CDH18: variants seen among roughly 807,000 people sequenced by gnomAD.
The protein encoded by CDH18 is cadherin-18.
Under a neutral mutation model 67.9 loss-of-function variants are expected in CDH18, and 31 were observed. The observed-to-expected ratio is 0.46, with a 90% CI of 0.34 to 0.62. The LOEUF is 0.62. Among genes scored for constraint, CDH18 ranks in the 20% least tolerant of loss-of-function variants. The pLI, the probability that CDH18 is intolerant of heterozygous loss-of-function variation, is 0.01. For synonymous variants in CDH18, 362 were observed against 347.2 expected, an observed-to-expected ratio of 1.04 and a Z score of -0.48; for missense variants, 890 against 975.5, an observed-to-expected ratio of 0.91 and a Z score of 1.17.
chr5:19,719,667 C>A (rs1435988189), intron 5 of CDH18, among the ~76,000 whole-genome samples: 1 of 151,788 alleles, frequency 6.6e-6, no homozygotes, highest in African/African-American at 2.4e-5. Context: ...GTCTCATACT[C>A]ATTTTAAGTT....
intron 5 of CDH18, among the ~76,000 whole-genome samples, chr5:19,676,037 A>T (rs1759443618): frequency 6.6e-6 from 1 of 152,002 alleles, no homozygotes; most frequent in African/African-American, 2.4e-5. Context: ...AACTCACTTC[A>T]ATAATTTCAT....
In CDH18 at chr5:19,872,803, A is replaced by G. The variant is rs528515276; in HGVS notation, c.-256-33561T>C. 4.9e-4 allele frequency among the ~76,000 whole-genome samples: 74 copies of G among 152,330 alleles called. 1 individual carries two copies. Among genetic ancestry groups the G allele is most frequent in the Admixed American group, 1.7e-3 (26 of 15,298 alleles). Reference sequence around the variant, plus strand: ...AGCACGGTAATTTGTTACACAAAATAGAAAATTAATATATGCCCAATCCCT... The same window carrying G: ...AGCACGGTAATTTGTTACACAAAATGGAAAATTAATATATGCCCAATCCCT... On this transcript the variant is annotated intron_variant, in intron 2 of 12. Coordinates refer to ENST00000382275, the MANE Select transcript of CDH18 (RefSeq NM_004934.5).
intron 2 of CDH18, among the ~76,000 whole-genome samples, chr5:20,107,648 T>C (rs1259616966): frequency 6.6e-6 from 1 of 152,180 alleles, no homozygotes; most frequent in Admixed American, 6.5e-5. Flanking sequence ...TTGGCAAGGT[T>C]GCTTTCTCCT....
intron 1 of CDH18, among the ~76,000 whole-genome samples, chr5:20,508,804 A>G (rs1172860626): frequency 6.6e-6 from 1 of 152,084 alleles, no homozygotes; most frequent in Non-Finnish European, 1.5e-5. Flanking sequence ...CTGTAGAAAT[A>G]ATATGTAAAC....
chr5:19,674,063 CTTCTT>C (rs1194923056), intron 5 of CDH18, among the ~76,000 whole-genome samples: 1 of 151,954 alleles, frequency 6.6e-6, no homozygotes, highest in Non-Finnish European at 1.5e-5. Flanking sequence ...AGATTACTAC[CTTCTT>C]TTATTTTTTT....
At chr5:19,623,184 T>C (rs1750974121) in intron 5 of CDH18, among the ~76,000 whole-genome samples, 1 of 152,194 alleles carries the variant, frequency 6.6e-6, no homozygotes, top group Admixed American at 6.5e-5. Context: ...TGAGTTCAGG[T>C]ATATGTTGTA....
At chr5:20,263,341 T>C (rs981720561) in intron 1 of CDH18, among the ~76,000 whole-genome samples, 5 of 152,128 alleles carry the variant, frequency 3.3e-5, no homozygotes, top group Admixed American at 6.6e-5. Context: ...TGGATAGATA[T>C]TTTTTTGACT....
chr5:19,684,487 ATATG>A (rs1205945776), intron 5 of CDH18, among the ~76,000 whole-genome samples: 1 of 150,626 alleles, frequency 6.6e-6, no homozygotes, highest in African/African-American at 2.4e-5. Context: ...AACTAAATTT[ATATG>A]TATAATATAT....
In CDH18 at chr5:19,781,210, T is replaced by C. The variant is rs140314203; in HGVS notation, c.229-33974A>G. On this transcript the variant is annotated intron_variant, in intron 3 of 12. Transcript: ENST00000382275. ...ATTAGCATACATAAAGTGAATATTGTTATTGCAAAGAAAAAAACAGCAAAT... is the reference window on the plus strand; with the variant it reads ...ATTAGCATACATAAAGTGAATATTGCTATTGCAAAGAAAAAAACAGCAAAT... Among the ~76,000 whole-genome samples the C allele has an allele frequency of 3.9e-5, 6 of 152,108 alleles. No homozygotes were observed. In the East Asian group the frequency reaches 1.2e-3, roughly 29 times the overall value.
intron 3 of CDH18, among the ~76,000 whole-genome samples, chr5:19,813,889 T>C (rs1779005681): frequency 1.3e-5 from 2 of 151,958 alleles, no homozygotes; most frequent in African/African-American, 4.8e-5. Context: ...TTTGGAAGCT[T>C]TTTTTTGGAA....
chr5:20,083,375 TTTG>T (rs1744653496), intron 2 of CDH18, among the ~76,000 whole-genome samples: 1 of 152,220 alleles, frequency 6.6e-6, no homozygotes, highest in South Asian at 2.1e-4. Context: ...CTGTGGTTTT[TTTG>T]TTGTTGTTTT....
intron 2 of CDH18, among the ~76,000 whole-genome samples, chr5:20,227,746 C>T (rs561655844): frequency 3.9e-5 from 6 of 151,970 alleles, no homozygotes; most frequent in African/African-American, 1.4e-4. Context: ...CCTCAGCCTC[C>T]CAGAGTGCTG....
intron 1 of CDH18, among the ~76,000 whole-genome samples, chr5:20,444,079 T>C (rs559569464): frequency 6.6e-6 from 1 of 152,066 alleles, no homozygotes; most frequent in Admixed American, 6.5e-5. Context: ...CCAGTTCTAA[T>C]AGCTTAGTAT....
intron 2 of CDH18, among the ~76,000 whole-genome samples, chr5:20,131,745 GGTTGTA>G (rs1237372089): frequency 6.6e-5 from 10 of 152,104 alleles, no homozygotes; most frequent in African/African-American, 2.4e-4. Flanking sequence ...AACAATTAAT[GGTTGTA>G]TAACTACACC....
chr5:20,114,050 C>T (rs1463595266), intron 2 of CDH18, among the ~76,000 whole-genome samples: 1 of 152,074 alleles, frequency 6.6e-6, no homozygotes, highest in Admixed American at 6.5e-5. Flanking sequence ...GGGGGTTTTC[C>T]TGTTAATTGT....
intron 2 of CDH18, among the ~76,000 whole-genome samples, chr5:20,159,351 A>G (rs899035509): frequency 2.0e-5 from 3 of 152,156 alleles, no homozygotes; most frequent in Non-Finnish European, 2.9e-5. Context: ...ATTTCCTACC[A>G]ATAAGAGGAG....
chr5:19,613,817 T>A (rs1401765715), intron 5 of CDH18, among the ~76,000 whole-genome samples: 1 of 152,160 alleles, frequency 6.6e-6, no homozygotes, highest in African/African-American at 2.4e-5. Flanking sequence ...TAAACATGTG[T>A]ATAAATATCT....
At chr5:19,700,386 T>C (rs78292248) in intron 5 of CDH18, among the ~76,000 whole-genome samples, 117 of 152,324 alleles carry the variant, frequency 7.7e-4, no homozygotes, top group African/African-American at 2.5e-3. Context: ...TTATGGTGCA[T>C]TGTCGACTGA....
At chr5:20,249,382 C>CTTTTTTTTTT (rs11395247) in intron 2 of CDH18, among the ~76,000 whole-genome samples, 1 of 129,738 alleles carries the variant, frequency 7.7e-6, no homozygotes, top group Non-Finnish European at 1.6e-5. Context: ...TCCTTTAAAA[C>CTTTTTTTTTT]TTTTTTTTTT....
Sources: gnomAD v4.1 joint callset for allele counts (sites outside exome capture counted in the v4.1 genomes callset) on GRCh38, gnomAD v4.1.1 for gene constraint, MANE v1.5 for transcripts, NCBI Gene and HGNC (gene_info 2026-07-23, HGNC 2026-07-21) for gene names.